The following VPS41 variants were observed in gnomAD, a reference collection of about 807,000 sequenced individuals.
VPS41 encodes the protein VPS41 subunit of HOPS complex.
VPS41 carries 85 observed loss-of-function variants against 130.9 expected under a neutral mutation model. The ratio of observed to expected loss-of-function variants is 0.65; its 90% CI spans 0.55 to 0.78. The LOEUF (loss-of-function observed/expected upper bound fraction) is 0.78. Ranked by LOEUF, VPS41 falls within the 30% of genes least tolerant of loss-of-function variation. VPS41 has a pLI of 0.00. For missense variants in VPS41, 874 were observed against 1,018.7 expected, an observed-to-expected ratio of 0.86 and a Z score of 1.93; for synonymous variants, 335 against 332.9, an observed-to-expected ratio of 1.01 and a Z score of -0.07.
chr7:38,763,013 A>ATG (rs1783954093), intron 17 of VPS41, among the ~76,000 whole-genome samples: 1 of 152,188 alleles, frequency 6.6e-6, no homozygotes. Context: ...CATAAAAACA[A>ATG]TAAATTTTTT....
rs373022851 is a variant in VPS41, at chr7:38,754,980, TAAG to T, written c.1696-47_1696-45del. 1.1e-4 allele frequency: 181 copies of T among 1,589,504 alleles called. 1 individual carries two copies. In the East Asian group the frequency reaches 3.4e-3, roughly 30 times the overall value. ...GCCACAGTCAATGAAATCCGTTATT[TAAG>T]AAGAGAAGACTAAACACAATGCAGT... On this transcript the variant is annotated intron_variant, in intron 19 of 28. Transcript: ENST00000310301.
intron 1 of VPS41, among the ~76,000 whole-genome samples, chr7:38,902,141 C>T (rs1258995693): frequency 1.3e-5 from 2 of 152,190 alleles, no homozygotes; most frequent in Non-Finnish European, 2.9e-5. Context: ...TGACATGTGG[C>T]CTCTCTAATG....
At chr7:38,746,816 A>G (rs892374466) in intron 22 of VPS41, among the ~76,000 whole-genome samples, 4 of 152,038 alleles carry the variant, frequency 2.6e-5, no homozygotes, top group Non-Finnish European at 4.4e-5. Context: ...TCACCTCTCC[A>G]TTGCGTCCCC....
At chr7:38,802,435 T>C (rs567974638) in intron 7 of VPS41, among the ~76,000 whole-genome samples, 56 of 152,340 alleles carry the variant, frequency 3.7e-4, no homozygotes, top group African/African-American at 1.3e-3. Context: ...AAACCTTAAA[T>C]GCCTGCTAGT....
chr7:38,862,795 C>G (rs576292709), intron 3 of VPS41, among the ~76,000 whole-genome samples, 173 bp from the exon 4 acceptor site: 3 of 152,174 alleles, frequency 2.0e-5, no homozygotes, highest in Non-Finnish European at 4.4e-5. Context: ...AATAACAGAA[C>G]AGGGCCTATT....
chr7:38,795,359 G>A (rs1300341065), intron 9 of VPS41, 106 bp downstream of exon 9: 1 of 887,770 alleles, frequency 1.1e-6, no homozygotes, highest in Non-Finnish European at 1.7e-6. Flanking sequence ...TAACATCCAA[G>A]TGAAAAGATT....
At chr7:38,765,196 T>C (rs1013563613) in intron 16 of VPS41, among the ~76,000 whole-genome samples, 3 of 152,202 alleles carry the variant, frequency 2.0e-5, no homozygotes, top group Non-Finnish European at 4.4e-5. Flanking sequence ...TTTTTCCATC[T>C]GTCTTTCAGC....
At position 38,728,546 on chromosome 7, in the gene VPS41, T is replaced by C. The variant is rs1562562700; in HGVS notation, c.2400A>G (p.Pro800=). The C allele has an allele frequency of 6.2e-7, 1 of 1,614,134 alleles. No individual in the cohort carries two copies. Among genetic ancestry groups the C allele is most frequent in the Admixed American group, 1.7e-5 (1 of 60,016 alleles). Residue 800 remains proline (P), a synonymous_variant, in exon 27 of 29, where the codon CCA becomes CCG. Coordinates refer to ENST00000310301, the MANE Select transcript of VPS41 (RefSeq NM_014396.4). ...ICESCLSPIL[P]SDAAKPFSVV... ...TTTTGGGGAAAACCTTCTTACCTGA[T>C]GGAAGAATAGGGGAAAGGCACGACT...
chr7:38,838,239 C>T (rs1441468326), intron 4 of VPS41, among the ~76,000 whole-genome samples: 4 of 146,316 alleles, frequency 2.7e-5, no homozygotes, highest in Non-Finnish European at 6.0e-5. Context: ...AAAAAACAAA[C>T]AAAAAAAAAA....
At chr7:38,867,168 T>G (rs1562616279) in intron 3 of VPS41, among the ~76,000 whole-genome samples, 1 of 152,176 alleles carries the variant, frequency 6.6e-6, no homozygotes, top group Non-Finnish European at 1.5e-5. Flanking sequence ...TTAGGTATGT[T>G]CCAATATATA....
At chr7:38,760,763 A>G (rs924284347) in intron 17 of VPS41, among the ~76,000 whole-genome samples, 3 of 152,116 alleles carry the variant, frequency 2.0e-5, no homozygotes, top group African/African-American at 7.2e-5. Context: ...TGGTTTATAT[A>G]AAAAATAGTA....
chr7:38,754,064 T>C (rs1181012945), intron 21 of VPS41, among the ~76,000 whole-genome samples: 1 of 152,166 alleles, frequency 6.6e-6, no homozygotes, highest in African/African-American at 2.4e-5. Flanking sequence ...TTTACTCTCA[T>C]GATGATGCAA....
At chr7:38,889,393 G>C (rs1275558024) in intron 2 of VPS41, among the ~76,000 whole-genome samples, 20 of 151,110 alleles carry the variant, frequency 1.3e-4, no homozygotes, top group Admixed American at 1.3e-3. Context: ...AACAGCTAGG[G>C]AAACAGCACA....
rs975230922 is a variant in VPS41 at position 38,724,337 on chromosome 7, G to A, written c.*1909C>T. 6.6e-6 allele frequency: 1 copy of A among 152,168 alleles called. No individual in the cohort carries two copies. The highest frequency in any genetic ancestry group is 2.4e-5 in the African/African-American group (1 of 41,434). The allele number at this position is 152,168 out of a possible 1,614,324, so 9.4% of individuals were successfully genotyped here. A position where few individuals can be genotyped will look rare whatever the true frequency, so the allele number is the denominator to read the frequency against. On this transcript the variant is annotated 3_prime_UTR_variant, in exon 29 of 29. Coordinates refer to ENST00000310301, the MANE Select transcript of VPS41 (RefSeq NM_014396.4). ...TGTAATAAACTGAATCTGTAAATTG[G>A]TAATGTTGAAAAGAAAAAACAATTG...
intron 25 of VPS41, among the ~76,000 whole-genome samples, chr7:38,732,095 C>A (rs985383025): frequency 6.6e-6 from 1 of 152,130 alleles, no homozygotes; most frequent in African/African-American, 2.4e-5. Flanking sequence ...TAGGAAAAAA[C>A]CCCTTGCTTC....
At chr7:38,813,837 G>A (rs1385019782) in intron 7 of VPS41, among the ~76,000 whole-genome samples, 1 of 151,524 alleles carries the variant, frequency 6.6e-6, no homozygotes, top group Non-Finnish European at 1.5e-5. Context: ...TTTTCTGTAT[G>A]CTTGGAACGA....
At chr7:38,846,791 G>A (rs911429284) in intron 4 of VPS41, among the ~76,000 whole-genome samples, 6 of 152,124 alleles carry the variant, frequency 3.9e-5, no homozygotes, top group African/African-American at 1.2e-4. Context: ...AACCAGCAAA[G>A]GAAAGAATGA....
At position 38,902,994 on chromosome 7, in the gene VPS41, GTGA is replaced by G. The variant is rs550367004; in HGVS notation, c.22-4868_22-4866del. Among the ~76,000 whole-genome samples the G allele has an allele frequency of 3.9e-4, 60 of 152,138 alleles. No individual in the cohort carries two copies. The East Asian group carries it at 8.3e-3, about 21-fold the overall frequency. On this transcript the variant is annotated intron_variant, in intron 1 of 28. Transcript: ENST00000310301. Reference sequence around the variant, plus strand: ...ATCCTACTGGAAAAACATGTTGCTGGTGATGATGATGAGACAAGCTGCCAATCT... The same window carrying G: ...ATCCTACTGGAAAAACATGTTGCTGGTGATGATGAGACAAGCTGCCAATCT...
chr7:38,822,729 TCA>T lies in VPS41; in HGVS notation c.322-1466_322-1465del, dbSNP rs756372658. ...GCTGAGTCATAGGTTATGTGCATGT[TCA>T]CATTTAATAGGCAAACCATTTCACA... On this transcript the variant is annotated intron_variant, in intron 5 of 28. Transcript: ENST00000310301. Among the ~76,000 whole-genome samples the T allele has an allele frequency of 1.1e-4, 17 of 152,350 alleles. 1 individual carries two copies. The Middle Eastern group carries it at 0.01, about 91-fold the overall frequency.
Sources: gnomAD v4.1 joint callset for allele counts (sites outside exome capture counted in the v4.1 genomes callset) on GRCh38, gnomAD v4.1.1 for gene constraint, MANE v1.5 for transcripts, NCBI Gene and HGNC (gene_info 2026-07-23, HGNC 2026-07-21) for gene names.